KSR1: variants seen among roughly 807,000 people sequenced by gnomAD.
KSR1 encodes the protein kinase suppressor of ras 1, also known as kinase suppressor of ras.
KSR1 carries 35 observed loss-of-function variants against 92.9 expected under a neutral mutation model. The observed-to-expected ratio is 0.38, with a 90% CI of 0.29 to 0.50. The LOEUF (loss-of-function observed/expected upper bound fraction) is 0.50. Ranked by LOEUF, KSR1 falls within the 20% of genes least tolerant of loss-of-function variation. The pLI is 0.94. For missense variants in KSR1, 972 were observed against 1,158.5 expected (o/e 0.84, Z 2.34); for synonymous variants, 467 against 472.6 (o/e 0.99, Z 0.15).
At chr17:27,605,897 AG>A in intron 14 of KSR1, 84 bp downstream of exon 14, 2 of 1,529,024 alleles carry the variant, frequency 1.3e-6, no homozygotes, top group Non-Finnish European at 1.8e-6. Context: ...GATGCCCTAG[AG>A]GGTGTGGAAG....
chr17:27,604,359 G>A (rs2073675532), intron 12 of KSR1, among the ~76,000 whole-genome samples: 1 of 152,204 alleles, frequency 6.6e-6, no homozygotes, highest in Non-Finnish European at 1.5e-5. Context: ...TCCAAGTTGA[G>A]GCCGTCAGAT....
chr17:27,581,206 C>A (rs570722562), intron 3 of KSR1, among the ~76,000 whole-genome samples: 2 of 152,198 alleles, frequency 1.3e-5, no homozygotes, highest in African/African-American at 4.8e-5. Context: ...GGAGGTGCCA[C>A]ACACTTTTAA....
rs142236827 is a variant in KSR1 at position 27,598,465 on chromosome 17, G to A, written c.1468+1029G>A. On this transcript the variant is annotated intron_variant, in intron 10 of 20. Coordinates refer to ENST00000644974, the MANE Select transcript of KSR1 (RefSeq NM_001394583.1). Reference sequence around the variant, plus strand: ...GACTTCTTTTGGGGACGGTGGAGACGGAGATCTTGTAGGAATCTCTCTCTT... The same window carrying A: ...GACTTCTTTTGGGGACGGTGGAGACAGAGATCTTGTAGGAATCTCTCTCTT... 5.4e-3 allele frequency among the ~76,000 whole-genome samples: 815 copies of A among 152,268 alleles called. 9 individuals are homozygous for A. Among genetic ancestry groups the A allele is most frequent in the Middle Eastern group, 0.02 (6 of 294 alleles).
chr17:27,545,988 C>T (rs568058039), intron 1 of KSR1, among the ~76,000 whole-genome samples: 24 of 152,336 alleles, frequency 1.6e-4, no homozygotes, highest in Non-Finnish European at 1.0e-4. Flanking sequence ...GACAGAAGGG[C>T]TCTAGTGCTG....
chr17:27,619,030 A>G (rs2074142629), intron 19 of KSR1, among the ~76,000 whole-genome samples: 1 of 152,042 alleles, frequency 6.6e-6, no homozygotes, highest in African/African-American at 2.4e-5. Context: ...CACTTTCTAA[A>G]AGTGAAATCT....
intron 1 of KSR1, chr17:27,526,356 A>G (rs931500632): frequency 3.6e-6 from 5 of 1,393,656 alleles, no homozygotes; most frequent in East Asian, 4.6e-5. Flanking sequence ...TGCCAACACA[A>G]TTAATTACAA....
chr17:27,557,358 G>A (rs1415238887), intron 2 of KSR1, among the ~76,000 whole-genome samples: 1 of 152,222 alleles, frequency 6.6e-6, no homozygotes, highest in African/African-American at 2.4e-5. Flanking sequence ...GATAGCGGAG[G>A]CCAGAAAGTC....
intron 9 of KSR1, among the ~76,000 whole-genome samples, chr17:27,593,938 C>G (rs1290683648): frequency 6.6e-6 from 1 of 152,208 alleles, no homozygotes; most frequent in Non-Finnish European, 1.5e-5. Context: ...TCCCTCGAGG[C>G]CTTCCATGAG....
chr17:27,615,724 T>G (rs558803565), intron 18 of KSR1, among the ~76,000 whole-genome samples: 3 of 152,344 alleles, frequency 2.0e-5, no homozygotes, highest in African/African-American at 7.2e-5. Context: ...CACTATTCTT[T>G]ATGTCTCATA....
intron 1 of KSR1, among the ~76,000 whole-genome samples, chr17:27,538,555 C>T (rs2070835200): frequency 6.6e-6 from 1 of 152,150 alleles, no homozygotes; most frequent in South Asian, 2.1e-4. Context: ...TGCAGGGACC[C>T]CATTCCGGAT....
intron 12 of KSR1, 26 bp from the exon 13 acceptor site, chr17:27,604,654 C>T (rs2073687474): frequency 6.2e-7 from 1 of 1,612,750 alleles, no homozygotes; most frequent in Non-Finnish European, 8.5e-7. Flanking sequence ...CTCAAGGTCT[C>T]CTTGACAAAC....
chr17:27,532,051 C>T (rs573887741), intron 1 of KSR1, among the ~76,000 whole-genome samples: 3 of 152,298 alleles, frequency 2.0e-5, no homozygotes, highest in Admixed American at 1.3e-4. Flanking sequence ...TTGACTAAGT[C>T]GTTGTCCCTC....
At chr17:27,497,684 T>C (rs913960569) in intron 1 of KSR1, among the ~76,000 whole-genome samples, 4 of 152,232 alleles carry the variant, frequency 2.6e-5, no homozygotes, top group Non-Finnish European at 1.5e-5. Flanking sequence ...AATGAGATAG[T>C]TTCTTTTTTA....
intron 3 of KSR1, among the ~76,000 whole-genome samples, chr17:27,580,355 G>T (rs751468009): frequency 2.0e-4 from 31 of 152,206 alleles, no homozygotes; most frequent in Non-Finnish European, 3.4e-4. Flanking sequence ...TGTCTAGTCG[G>T]TTCCTGAATA....
At chr17:27,466,739 G>C (rs76237983) in intron 1 of KSR1, among the ~76,000 whole-genome samples, 1 of 152,230 alleles carries the variant, frequency 6.6e-6, no homozygotes, top group South Asian at 2.1e-4. Flanking sequence ...CCTGTTTCTC[G>C]TGGTGGCTTT....
At chr17:27,543,978 G>A (rs1023714910) in intron 1 of KSR1, among the ~76,000 whole-genome samples, 1 of 152,200 alleles carries the variant, frequency 6.6e-6, no homozygotes, top group Non-Finnish European at 1.5e-5. Context: ...TATTGCCTAG[G>A]GAGGTAATAA....
At chr17:27,604,016 A>C in intron 12 of KSR1, 128 bp downstream of exon 12, 34 of 927,278 alleles carry the variant, frequency 3.7e-5, no homozygotes, top group Non-Finnish European at 5.3e-5. Context: ...CCCTGGGCTC[A>C]TTCACCCTCT....
chr17:27,570,523 A>C (rs1179996058), intron 2 of KSR1, among the ~76,000 whole-genome samples: 4 of 152,200 alleles, frequency 2.6e-5, no homozygotes, highest in Non-Finnish European at 4.4e-5. Flanking sequence ...CCTTCTTTCT[A>C]AACAAGCTTT....
At chr17:27,500,544 G>A (rs1220137480) in intron 1 of KSR1, among the ~76,000 whole-genome samples, 1 of 152,186 alleles carries the variant, frequency 6.6e-6, no homozygotes, top group African/African-American at 2.4e-5. Flanking sequence ...TCATTGAGAT[G>A]TTCATGTTCT....
Sources: allele counts gnomAD v4.1 joint callset (sites outside exome capture counted in the v4.1 genomes callset), GRCh38; gene constraint gnomAD v4.1.1; transcripts MANE v1.5; gene names NCBI Gene and HGNC (gene_info 2026-07-23, HGNC 2026-07-21).